The following SLC22A25 variants were observed in gnomAD, a reference collection of about 807,000 sequenced individuals.
The protein encoded by SLC22A25 is MGI:2442751, MGI:2385316, MGI:3042283, MGI:3645714, MGI:3605624, MGI:2442750.
In SLC22A25, 44 loss-of-function variants were observed where a neutral mutation model predicts 45.9. The observed-to-expected ratio is 0.96, with a 90% CI of 0.75 to 1.23. The LOEUF is 1.23. Ranked by LOEUF, SLC22A25 falls within the 50% of genes most tolerant of loss-of-function variation. The pLI is 0.00. For synonymous variants in SLC22A25, 283 were observed against 238.6 expected (o/e 1.19, Z -1.72); for missense variants, 800 against 666.4 (o/e 1.20, Z -2.21).
intron 9 of SLC22A25, among the ~76,000 whole-genome samples, chr11:63,169,088 G>A (rs2087786275): frequency 6.6e-6 from 1 of 152,144 alleles, no homozygotes; most frequent in African/African-American, 2.4e-5. Context: ...AAGCAAAGGA[G>A]AAATAAAATT....
intron 7 of SLC22A25, among the ~76,000 whole-genome samples, chr11:63,189,238 G>A (rs368322991): frequency 2.6e-5 from 4 of 152,090 alleles, no homozygotes; most frequent in East Asian, 3.8e-4. Context: ...CCTGTATTGG[G>A]CACATATATA....
chr11:63,228,080 A>C (rs2089997313), intron 5 of SLC22A25, among the ~76,000 whole-genome samples: 1 of 152,210 alleles, frequency 6.6e-6, no homozygotes, highest in Non-Finnish European at 1.5e-5. Context: ...AGGTACTATG[A>C]TCATTCACTT....
At chr11:63,210,340 A>G (rs980598397) in intron 7 of SLC22A25, among the ~76,000 whole-genome samples, 8 of 152,202 alleles carry the variant, frequency 5.3e-5, no homozygotes, top group Non-Finnish European at 1.2e-4. Context: ...TAGCTGCTGC[A>G]CTAGCAGAAA....
intron 5 of SLC22A25, among the ~76,000 whole-genome samples, chr11:63,224,324 T>C (rs2089913095): frequency 6.6e-6 from 1 of 152,186 alleles, no homozygotes; most frequent in South Asian, 2.1e-4. Context: ...TCTATGTGTG[T>C]ATAGATAAGA....
chr11:63,180,563 C>A, intron 9 of SLC22A25, 97 bp downstream of exon 9: 2 of 831,948 alleles, frequency 2.4e-6, no homozygotes, highest in East Asian at 2.7e-5. Context: ...CTTTTATCCC[C>A]CAAATATTTT....
intron 9 of SLC22A25, among the ~76,000 whole-genome samples, chr11:63,172,267 A>G (rs1373155378): frequency 6.6e-6 from 1 of 152,180 alleles, no homozygotes; most frequent in East Asian, 1.9e-4. Context: ...ACCAAAAGCA[A>G]TTGCAACAAA....
At chr11:63,165,680 T>C (rs2087654910) in intron 10 of SLC22A25, among the ~76,000 whole-genome samples, 1 of 152,182 alleles carries the variant, frequency 6.6e-6, no homozygotes, top group Non-Finnish European at 1.5e-5. Context: ...AATAGCAGTA[T>C]TGTGTTCTCA....
chr11:63,192,788 T>C (rs541970061), intron 7 of SLC22A25, among the ~76,000 whole-genome samples: 6 of 152,366 alleles, frequency 3.9e-5, no homozygotes, highest in African/African-American at 1.4e-4. Flanking sequence ...AAGATCTAAC[T>C]ATCTTAAATA....
At chr11:63,166,678 C>T in intron 9 of SLC22A25, 1 of 999,374 alleles carries the variant, frequency 1.0e-6, no homozygotes, top group Non-Finnish European at 1.2e-6. Flanking sequence ...TTTCCATTTG[C>T]CACCCTTACA....
intron 3 of SLC22A25, among the ~76,000 whole-genome samples, chr11:63,232,962 C>G (rs1189004942): frequency 1.3e-5 from 2 of 152,118 alleles, no homozygotes; most frequent in African/African-American, 2.4e-5. Context: ...GTTGAGCCAG[C>G]CTTGCATCCC....
chr11:63,184,457 A>T (rs1403994375), intron 7 of SLC22A25, among the ~76,000 whole-genome samples: 1 of 152,114 alleles, frequency 6.6e-6, no homozygotes, highest in Admixed American at 6.6e-5. Flanking sequence ...GTAAAGACCA[A>T]ATAGGCTTCC....
At position 63,162,502 on chromosome 11, in the gene SLC22A25, T is replaced by C. The variant is rs2087551359; in HGVS notation, c.*1322A>G. On this transcript the variant is annotated 3_prime_UTR_variant, in exon 12 of 12. Transcript: ENST00000306494. ...ATATGGATATCCAGTTTTGGAACTA[T>C]TTTTTATGTTCTTATAAAAGTATGC... Among the ~76,000 whole-genome samples, 1 of 152,138 alleles carries C rather than the reference T, an allele frequency of 6.6e-6. No individual in the cohort carries two copies. Among genetic ancestry groups the C allele is most frequent in the African/African-American group, 2.4e-5 (1 of 41,442 alleles).
chr11:63,183,216 A>C (rs1038315740), intron 8 of SLC22A25, among the ~76,000 whole-genome samples: 2 of 152,152 alleles, frequency 1.3e-5, no homozygotes, highest in Non-Finnish European at 2.9e-5. Context: ...ATTTCCAAGA[A>C]AGAATGAAAT....
At chr11:63,227,906 G>A (rs2089993655) in intron 5 of SLC22A25, among the ~76,000 whole-genome samples, 1 of 152,192 alleles carries the variant, frequency 6.6e-6, no homozygotes, top group African/African-American at 2.4e-5. Flanking sequence ...TCTGCCCTGT[G>A]TTGGCAGCAC....
intron 5 of SLC22A25, among the ~76,000 whole-genome samples, chr11:63,220,455 G>A (rs1009168097): frequency 1.3e-5 from 2 of 152,076 alleles, no homozygotes; most frequent in South Asian, 4.2e-4. Context: ...TCCAAACTCT[G>A]TCTTTGGAAA....
In SLC22A25 at chr11:63,162,131, G is replaced by C. The variant is rs2087543599; in HGVS notation, c.*1693C>G. ...ATGAGATTATTTGATTTTTCCTATA[G>C]AGTTGTTTGAGCTCCTTATATATTC... On this transcript the variant is annotated 3_prime_UTR_variant, in exon 12 of 12. Transcript: ENST00000306494. Among the ~76,000 whole-genome samples, 1 of 152,130 alleles carries C rather than the reference G, an allele frequency of 6.6e-6. No individual in the cohort carries two copies. Among genetic ancestry groups the C allele is most frequent in the Non-Finnish European group, 1.5e-5 (1 of 68,028 alleles).
intron 10 of SLC22A25, 99 bp downstream of exon 10, chr11:63,165,945 T>C: frequency 7.1e-7 from 1 of 1,403,174 alleles, no homozygotes. Flanking sequence ...GAGAACTCAA[T>C]TCTCCCTTTC....
At chr11:63,188,530 T>A (rs1458883193) in intron 7 of SLC22A25, among the ~76,000 whole-genome samples, 1 of 152,232 alleles carries the variant, frequency 6.6e-6, no homozygotes, top group Non-Finnish European at 1.5e-5. Context: ...AAGAGTTCTT[T>A]GTGTCTCTAT....
At chr11:63,206,098 A>G (rs2089395550) in intron 7 of SLC22A25, among the ~76,000 whole-genome samples, 1 of 152,210 alleles carries the variant, frequency 6.6e-6, no homozygotes, top group Non-Finnish European at 1.5e-5. Context: ...CTTCATGCTA[A>G]AAACTCTCAA....
Sources: allele counts gnomAD v4.1 joint callset (sites outside exome capture counted in the v4.1 genomes callset), GRCh38; gene constraint gnomAD v4.1.1; transcripts MANE v1.5; gene names NCBI Gene and HGNC (gene_info 2026-07-23, HGNC 2026-07-21).